Variants in COL4A1 observed in about 807,000 individuals in gnomAD.
COL4A1 encodes the protein collagen type IV alpha 1 chain, also known as collagen alpha-1(IV) chain.
COL4A1 carries 40 observed loss-of-function variants against 216.6 expected under a neutral mutation model. That is an observed-to-expected ratio of 0.18 (90% confidence interval 0.14 to 0.24). The LOEUF is 0.24. Among genes scored for constraint, COL4A1 ranks in the 10% least tolerant of loss-of-function variants. The probability of loss-of-function intolerance (pLI) is 1.00; values close to 1 mark genes in which losing one functional copy is unlikely to be tolerated. For missense variants in COL4A1, 1,628 were observed against 2,196.8 expected, an observed-to-expected ratio of 0.74 and a Z score of 5.18; for synonymous variants, 839 against 810.7, an observed-to-expected ratio of 1.03 and a Z score of -0.59.
At chr13:110,153,694 C>T (rs924874966) in intron 50 of COL4A1, among the ~76,000 whole-genome samples, 5 of 152,200 alleles carry the variant, frequency 3.3e-5, no homozygotes, top group Non-Finnish European at 7.3e-5. Context: ...ATTGCAACAA[C>T]CTGTTAATCT....
chr13:110,287,994 C>T (rs996361519), intron 1 of COL4A1, among the ~76,000 whole-genome samples: 1 of 151,110 alleles, frequency 6.6e-6, no homozygotes. Flanking sequence ...CGGTGGCTCA[C>T]GCCTGTAATC....
intron 1 of COL4A1, among the ~76,000 whole-genome samples, chr13:110,291,412 G>A (rs1266258931): frequency 3.9e-5 from 6 of 152,044 alleles, no homozygotes; most frequent in South Asian, 4.2e-4. Context: ...CTTCCATGTC[G>A]GGATGTGCTA....
intron 32 of COL4A1, 53 bp from the exon 33 acceptor site, chr13:110,177,984 T>A (rs1435816284): frequency 9.3e-6 from 15 of 1,613,758 alleles, no homozygotes; most frequent in Non-Finnish European, 1.3e-5. Context: ...ATGCTGACAG[T>A]AAATGCTGAG....
chr13:110,231,615 C>T (rs77459936), intron 2 of COL4A1, among the ~76,000 whole-genome samples: 1,948 of 152,256 alleles, frequency 0.013, 45 homozygotes, highest in African/African-American at 0.045. Context: ...CCATCATGAA[C>T]CTGTAGGGCA....
intron 43 of COL4A1, among the ~76,000 whole-genome samples, chr13:110,168,183 T>C (rs979211541): frequency 2.6e-5 from 4 of 152,116 alleles, no homozygotes; most frequent in Non-Finnish European, 5.9e-5. Context: ...CCATGCTAAC[T>C]TGTGCATTTT....
Position 110,169,782 on chromosome 13 carries a change from C to G in COL4A1, c.3743-20G>C, listed in dbSNP as rs780511886. The G allele has an allele frequency of 1.2e-6, 2 of 1,613,604 alleles. No individual in the cohort carries two copies. The highest frequency in any genetic ancestry group is 2.7e-5 in the African/African-American group (2 of 74,806). On this transcript the variant is annotated intron_variant, in intron 42 of 51. Transcript: ENST00000375820. ...GAAGTCCTAATGGAAGAGAAGAAAGCCACACATTTGGGGTTAAATATGCAC... is the reference window on the plus strand; with the variant it reads ...GAAGTCCTAATGGAAGAGAAGAAAGGCACACATTTGGGGTTAAATATGCAC...
At position 110,213,838 on chromosome 13, in the gene COL4A1, T is replaced by C. The variant is rs372486181; in HGVS notation, c.235-12A>G. On this transcript the variant is annotated splice_polypyrimidine_tract_variant and intron_variant, in intron 3 of 51. Transcript: ENST00000375820. ...TCTCCAGTATCACCCTGGAACAGAA[T>C]AGAAATGCCATTGTCATTGATCACC... 17 of 1,614,006 alleles carry C rather than the reference T, an allele frequency of 1.1e-5. No individual in the cohort carries two copies. The highest frequency in any genetic ancestry group is 1.3e-5 in the African/African-American group (1 of 74,916).
intron 1 of COL4A1, among the ~76,000 whole-genome samples, chr13:110,275,952 AG>A (rs1883411614): frequency 2.6e-5 from 4 of 152,294 alleles, no homozygotes; most frequent in Admixed American, 2.0e-4. Flanking sequence ...TTTTGTGGGC[AG>A]TAAAACAACT....
At chr13:110,303,603 T>G (rs1884577049) in intron 1 of COL4A1, among the ~76,000 whole-genome samples, 5 of 152,214 alleles carry the variant, frequency 3.3e-5, no homozygotes. Flanking sequence ...GACATGCTGG[T>G]GTATAGTTCC....
intron 1 of COL4A1, among the ~76,000 whole-genome samples, chr13:110,278,107 G>A (rs9588131): frequency 0.37 from 56,802 of 152,018 alleles, 11,044 homozygotes; most frequent in African/African-American, 0.48. Context: ...CCAATAACTC[G>A]GAAGAACTTA....
At position 110,198,482 on chromosome 13, in the gene COL4A1, G is replaced by T. The variant is rs199622845; in HGVS notation, c.1270C>A (p.Gln424Lys). The T allele has an allele frequency of 1.6e-5, 26 of 1,613,286 alleles. No homozygotes were observed. The highest frequency in any genetic ancestry group is 2.2e-5 in the East Asian group (1 of 44,846). The change falls in exon 21 of 52, where the codon CAG becomes AAG. Residue 424 changes from glutamine to lysine, a missense_variant. By Grantham distance (53) the Gln-to-Lys change is moderately conservative. Coordinates refer to ENST00000375820, the MANE Select transcript of COL4A1 (RefSeq NM_001845.6). Reference protein sequence around the residue: ...GPPGSPGPPGQPGYTNGIVEC... With the variant: ...GPPGSPGPPGKPGYTNGIVEC... ...GGGAACTCACTTGTGTAGCCAGGCT[G>T]CCCAGGGGGCCCAGGGGAACCAGGA...
Position 110,210,217 on chromosome 13 carries a change from A to T in COL4A1, c.469-5T>A. Reference sequence around the variant, plus strand: ...AAGTATCTCACCTGGATCACCCTAGAGGATGAAGAAAGAAAATAGAAAGTT... The same window carrying T: ...AAGTATCTCACCTGGATCACCCTAGTGGATGAAGAAAGAAAATAGAAAGTT... On this transcript the variant is annotated splice_polypyrimidine_tract_variant and splice_region_variant and intron_variant, in intron 8 of 51. Coordinates refer to ENST00000375820, the MANE Select transcript of COL4A1 (RefSeq NM_001845.6). 2 of 1,613,132 alleles carry T rather than the reference A, an allele frequency of 1.2e-6. No individual in the cohort carries two copies. Among genetic ancestry groups the T allele is most frequent in the South Asian group, 2.2e-5 (2 of 91,048 alleles).
intron 1 of COL4A1, among the ~76,000 whole-genome samples, chr13:110,285,720 A>G (rs1370719686): frequency 6.6e-6 from 1 of 152,018 alleles, no homozygotes; most frequent in South Asian, 2.1e-4. Flanking sequence ...GCTCCCTGAC[A>G]TTTTCCTTCT....
intron 23 of COL4A1, 121 bp from the exon 24 acceptor site, chr13:110,192,405 T>C: frequency 1.0e-6 from 1 of 954,310 alleles, no homozygotes; most frequent in South Asian, 1.4e-5. Flanking sequence ...GCTTGGATAA[T>C]CCAAAGAGAG....
intron 2 of COL4A1, among the ~76,000 whole-genome samples, chr13:110,220,526 T>C (rs945880726): frequency 1.3e-5 from 2 of 152,088 alleles, no homozygotes; most frequent in Non-Finnish European, 2.9e-5. Context: ...AAATTCAAAG[T>C]TTTTATCTTT....
rs78917978 is a variant in COL4A1, at chr13:110,195,244, T to C, written c.1286-126A>G. 6,148 of 812,332 alleles carry C rather than the reference T, an allele frequency of 7.6e-3. 231 individuals carry two copies. In the African/African-American group the frequency reaches 0.086, roughly 11 times the overall value. The allele number at this position is 812,332 out of a possible 1,614,324, so 50.3% of individuals were successfully genotyped here. A position where few individuals can be genotyped will look rare whatever the true frequency, so the allele number is the denominator to read the frequency against. On this transcript the variant is annotated intron_variant, in intron 21 of 51. Coordinates refer to ENST00000375820, the MANE Select transcript of COL4A1 (RefSeq NM_001845.6). ...CAAGTGTTAGAAATTCAGCTTTAGT[T>C]TGTTTCAAAATCATCTTAGGCTATC...
chr13:110,289,418 A>G (rs1883992731), intron 1 of COL4A1, among the ~76,000 whole-genome samples: 1 of 152,110 alleles, frequency 6.6e-6, no homozygotes, highest in Non-Finnish European at 1.5e-5. Flanking sequence ...GTGAGGGGAC[A>G]AGGCCCTGCG....
At chr13:110,256,611 T>C (rs1209208632) in intron 1 of COL4A1, among the ~76,000 whole-genome samples, 1 of 152,112 alleles carries the variant, frequency 6.6e-6, no homozygotes. Flanking sequence ...TTGAAGAACA[T>C]TGGGAAGTTT....
At chr13:110,219,852 A>G (rs1457925326) in intron 2 of COL4A1, among the ~76,000 whole-genome samples, 2 of 89,250 alleles carry the variant, frequency 2.2e-5, no homozygotes, top group South Asian at 3.3e-4. Context: ...ATGTGTATAT[A>G]TATGTATATA....
Sources: allele counts gnomAD v4.1 joint callset (sites outside exome capture counted in the v4.1 genomes callset), GRCh38; gene constraint gnomAD v4.1.1; transcripts MANE v1.5; gene names NCBI Gene and HGNC (gene_info 2026-07-23, HGNC 2026-07-21).